The following KCNQ1 variants were observed in gnomAD, a reference collection of about 807,000 sequenced individuals.
The protein encoded by KCNQ1 is potassium voltage-gated channel subfamily Q member 1.
A neutral mutation model predicts 72.4 loss-of-function variants in KCNQ1; 49 were observed. The observed-to-expected ratio is 0.68, with a 90% CI of 0.54 to 0.86. The LOEUF (loss-of-function observed/expected upper bound fraction) is 0.86. Ranked by LOEUF, KCNQ1 falls within the 40% of genes least tolerant of loss-of-function variation. KCNQ1 has a pLI of 0.00. For synonymous variants in KCNQ1, 450 were observed against 412.6 expected, an observed-to-expected ratio of 1.09 and a Z score of -1.10; for missense variants, 790 against 945.1, an observed-to-expected ratio of 0.84 and a Z score of 2.15.
chr11:2,524,535 G>T (rs890838712), intron 1 of KCNQ1, among the ~76,000 whole-genome samples: 9 of 152,222 alleles, frequency 5.9e-5, no homozygotes, highest in Non-Finnish European at 1.2e-4. Context: ...GTGAGCAGGG[G>T]CGTGGGTAGC....
At chr11:2,779,356 C>G (rs1006001895) in intron 15 of KCNQ1, among the ~76,000 whole-genome samples, 1 of 152,140 alleles carries the variant, frequency 6.6e-6, no homozygotes, top group Admixed American at 6.5e-5. Context: ...ACAGCAGGGC[C>G]GGGTACCCTG....
intron 15 of KCNQ1, among the ~76,000 whole-genome samples, chr11:2,794,964 C>G (rs532652440): frequency 6.6e-6 from 1 of 152,316 alleles, no homozygotes; most frequent in South Asian, 2.1e-4. Context: ...ATCACACCCC[C>G]AGAAGCTGTG....
At position 2,710,864 on chromosome 11, in the gene KCNQ1, G is replaced by A. The variant is rs146372598; in HGVS notation, c.1514+48783G>A. On this transcript the variant is annotated intron_variant, in intron 11 of 15. Coordinates refer to ENST00000155840, the MANE Select transcript of KCNQ1 (RefSeq NM_000218.3). The surrounding 1 kb of genome is among the most constrained non-coding windows in gnomAD (Gnocchi z 4.1). ...TCTATCCTTATGCCAGTACTATATC[G>A]TCTTGATTGTTATAGCTTTGTAGTG... Among the ~76,000 whole-genome samples, 38 of 152,254 alleles carry A rather than the reference G, an allele frequency of 2.5e-4. No homozygotes were observed. The highest frequency in any genetic ancestry group is 1.7e-3 in the East Asian group (9 of 5,188).
At chr11:2,791,810 A>G (rs1847030667) in intron 15 of KCNQ1, among the ~76,000 whole-genome samples, 1 of 151,912 alleles carries the variant, frequency 6.6e-6, no homozygotes, top group Admixed American at 6.5e-5. Flanking sequence ...GGGCGGTGGG[A>G]CCGGCTTCCT....
At chr11:2,706,253 C>T (rs1182729941) in intron 11 of KCNQ1, among the ~76,000 whole-genome samples, 4 of 152,236 alleles carry the variant, frequency 2.6e-5, no homozygotes, top group African/African-American at 9.6e-5. Flanking sequence ...CTAGGCCTTG[C>T]AGCCTCCCTG....
intron 6 of KCNQ1, among the ~76,000 whole-genome samples, chr11:2,577,900 C>T (rs1287118327): frequency 1.3e-5 from 2 of 152,082 alleles, no homozygotes; most frequent in Non-Finnish European, 1.5e-5. Flanking sequence ...CACGGCTCCC[C>T]CTTTCCCAGG....
At chr11:2,496,048 G>A (rs1265471415) in intron 1 of KCNQ1, among the ~76,000 whole-genome samples, 1 of 152,144 alleles carries the variant, frequency 6.6e-6, no homozygotes, top group Non-Finnish European at 1.5e-5. Flanking sequence ...ATTTAGGATA[G>A]TTAGCTCTTC....
rs1848699420 is a variant in KCNQ1, at chr11:2,593,726, G to T, written c.1393+4872G>T. ...TCTCACTTCTGCACTTGTGAGCCTG[G>T]TTCTCACAGGGTCAGGCTGTAGCCT... is the stretch of plus-strand genomic sequence containing the variant. On this transcript the variant is annotated intron_variant, in intron 10 of 15. Coordinates refer to ENST00000155840, the MANE Select transcript of KCNQ1 (RefSeq NM_000218.3). This position sits in a 1 kb window ranked among gnomAD's most constrained non-coding sequence, Gnocchi z 6.9. Among the ~76,000 whole-genome samples the T allele has an allele frequency of 6.6e-6, 1 of 152,140 alleles. No homozygotes were observed. Among genetic ancestry groups the T allele is most frequent in the South Asian group, 2.1e-4 (1 of 4,826 alleles).
intron 15 of KCNQ1, among the ~76,000 whole-genome samples, chr11:2,842,186 C>T (rs900654795): frequency 6.6e-6 from 1 of 152,056 alleles, no homozygotes; most frequent in Non-Finnish European, 1.5e-5. Flanking sequence ...CCACCACAGG[C>T]GCCAGTCCCG....
At position 2,815,564 on chromosome 11, in the gene KCNQ1, G is replaced by A. The variant is rs1247171150; in HGVS notation, c.1795-32203G>A. Among the ~76,000 whole-genome samples the A allele has an allele frequency of 6.6e-6, 1 of 152,180 alleles. No homozygotes were observed. The highest frequency in any genetic ancestry group is 1.9e-4 in the East Asian group (1 of 5,190). On this transcript the variant is annotated intron_variant, in intron 15 of 15. Coordinates refer to ENST00000155840, the MANE Select transcript of KCNQ1 (RefSeq NM_000218.3). The surrounding 1 kb of genome is among the most constrained non-coding windows in gnomAD (Gnocchi z 5.4). Reference sequence around the variant, plus strand: ...GAGCCTTTGAGAGTGGGGACAGGGTGTCCTGTTGTAGTTGCCAAGCCCAAG... The same window carrying A: ...GAGCCTTTGAGAGTGGGGACAGGGTATCCTGTTGTAGTTGCCAAGCCCAAG...
chr11:2,474,024 G>T (rs1389569683), intron 1 of KCNQ1, among the ~76,000 whole-genome samples: 1 of 152,240 alleles, frequency 6.6e-6, no homozygotes. Flanking sequence ...GCTTGGGGAA[G>T]GGCTGTGGCT....
In KCNQ1 at chr11:2,446,298, C is replaced by T. The variant is rs1589884980; in HGVS notation, c.386+814C>T. 6.6e-6 allele frequency among the ~76,000 whole-genome samples: 1 copy of T among 152,206 alleles called. No individual in the cohort carries two copies. The highest frequency in any genetic ancestry group is 1.5e-5 in the Non-Finnish European group (1 of 68,032). The stretch of plus-strand genomic sequence containing the variant: ...CTCCTCCATGCCTGCCTGGGGCCTT[C>T]CCCCGCTGCCCCAGTGGCCCTACTT... On this transcript the variant is annotated intron_variant, in intron 1 of 15. Coordinates refer to ENST00000155840, the MANE Select transcript of KCNQ1 (RefSeq NM_000218.3). This position sits in a 1 kb window ranked among gnomAD's most constrained non-coding sequence, Gnocchi z 8.8.
At position 2,611,862 on chromosome 11, in the gene KCNQ1, T is replaced by C. The variant is rs999469232; in HGVS notation, c.1393+23008T>C. The C allele has an allele frequency of 2.8e-5, 11 of 398,376 alleles. No homozygotes were observed. Among genetic ancestry groups the C allele is most frequent in the Non-Finnish European group, 4.9e-5 (11 of 226,026 alleles). 24.7% of individuals were successfully genotyped at this position (398,376 alleles called of 1,614,324 possible). On this transcript the variant is annotated intron_variant, in intron 10 of 15. Transcript: ENST00000155840. This position sits in a 1 kb window ranked among gnomAD's most constrained non-coding sequence, Gnocchi z 5.3. ...TACCATTCTAATTCCTTTGTTAGTT[T>C]ATTTCCCCCATTTTTAAAGTGTAAT...
intron 14 of KCNQ1, chr11:2,777,449 G>A: frequency 3.8e-6 from 2 of 529,290 alleles, no homozygotes; most frequent in Non-Finnish European, 3.3e-6. Context: ...CCTGGCTGCA[G>A]CCTGGGGGCT....
chr11:2,699,409 G>A (rs1188633340), intron 11 of KCNQ1: 2 of 403,448 alleles, frequency 5.0e-6, no homozygotes, highest in Non-Finnish European at 8.7e-6. Context: ...CAGAGAGATG[G>A]GGAGGGCCGC....
In KCNQ1 at chr11:2,588,685, C is replaced by T. The variant is rs374701781; in HGVS notation, c.1252-28C>T. On this transcript the variant is annotated intron_variant, in intron 9 of 15. Transcript: ENST00000155840. The surrounding 1 kb of genome is among the most constrained non-coding windows in gnomAD (Gnocchi z 5.6). ...GGCCTGGCAGACGATGTCCAGGAACCGCTAATCTGTTGTCTTGTTTTTTTT... is the reference window on the plus strand; with the variant it reads ...GGCCTGGCAGACGATGTCCAGGAACTGCTAATCTGTTGTCTTGTTTTTTTT... 342 of 1,612,322 alleles carry T rather than the reference C, an allele frequency of 2.1e-4. 2 individuals carry two copies. In the African/African-American group the frequency reaches 4.1e-3, roughly 19 times the overall value.
intron 11 of KCNQ1, among the ~76,000 whole-genome samples, chr11:2,717,425 C>T (rs1402154358): frequency 3.3e-5 from 5 of 152,220 alleles, no homozygotes; most frequent in Non-Finnish European, 5.9e-5. Flanking sequence ...ACAGCAAAGC[C>T]ACAGGGAGAC....
intron 1 of KCNQ1, among the ~76,000 whole-genome samples, chr11:2,514,356 T>C (rs1238503197): frequency 1.3e-5 from 2 of 152,184 alleles, no homozygotes; most frequent in African/African-American, 2.4e-5. Context: ...CTGGGGCTGA[T>C]CTGAGGATGA....
intron 11 of KCNQ1, among the ~76,000 whole-genome samples, chr11:2,722,279 T>C (rs2133931178): frequency 6.6e-6 from 1 of 151,880 alleles, no homozygotes; most frequent in African/African-American, 2.4e-5. Context: ...TGGGTGAAGA[T>C]AGGAAAGGAC....
Sources: allele counts gnomAD v4.1 joint callset (sites outside exome capture counted in the v4.1 genomes callset), GRCh38; gene constraint gnomAD v4.1.1; non-coding constraint Gnocchi (gnomAD v3.1); transcripts MANE v1.5; gene names NCBI Gene and HGNC (gene_info 2026-07-23, HGNC 2026-07-21).